Variants in SCFD2 observed in about 807,000 individuals in gnomAD.
SCFD2 encodes the protein sec1 family domain containing 2.
Under a neutral mutation model 58.9 loss-of-function variants are expected in SCFD2, and 54 were observed. The ratio of observed to expected loss-of-function variants is 0.92; its 90% CI spans 0.74 to 1.15. The LOEUF (loss-of-function observed/expected upper bound fraction) is 1.15. SCFD2 is among the 50% of genes most tolerant of loss of function. SCFD2 has a pLI of 0.00. For missense variants in SCFD2, 805 were observed against 836.6 expected, an observed-to-expected ratio of 0.96 and a Z score of 0.47; for synonymous variants, 321 against 335.9, an observed-to-expected ratio of 0.96 and a Z score of 0.49.
At chr4:52,965,247 A>C (rs1204124078) in intron 5 of SCFD2, among the ~76,000 whole-genome samples, 1 of 152,166 alleles carries the variant, frequency 6.6e-6, no homozygotes. Context: ...GCCCCCCCGC[A>C]AAAAATGATG....
At chr4:53,313,501 C>G in intron 3 of SCFD2, 135 bp downstream of exon 3, 1 of 932,632 alleles carries the variant, frequency 1.1e-6, no homozygotes, top group Non-Finnish European at 1.6e-6. Flanking sequence ...CATATTCCTT[C>G]CCTATTCTTT....
chr4:53,249,679 C>T (rs1730275813), intron 4 of SCFD2, among the ~76,000 whole-genome samples: 1 of 152,142 alleles, frequency 6.6e-6, no homozygotes, highest in African/African-American at 2.4e-5. Context: ...GAATTTTCAA[C>T]CCAGAATTTC....
At chr4:52,975,665 A>G (rs1434696901) in intron 5 of SCFD2, among the ~76,000 whole-genome samples, 2 of 152,178 alleles carry the variant, frequency 1.3e-5, no homozygotes, top group Non-Finnish European at 2.9e-5. Context: ...CAGCCATCCC[A>G]TTACTGGGTA....
At chr4:53,141,686 G>GTC (rs57515683) in intron 5 of SCFD2, among the ~76,000 whole-genome samples, 148,640 of 151,828 alleles carry the variant, frequency 0.98, 72,838 homozygotes, top group Middle Eastern at 1. Context: ...CTCTTTGAAA[G>GTC]TCTACACATT....
chr4:53,302,889 G>A (rs1481748443), intron 3 of SCFD2, among the ~76,000 whole-genome samples: 2 of 152,172 alleles, frequency 1.3e-5, no homozygotes, highest in Admixed American at 6.5e-5. Flanking sequence ...GGGAAAACTG[G>A]CTGGCCATAT....
chr4:53,078,706 A>G (rs1015980916), intron 5 of SCFD2, among the ~76,000 whole-genome samples: 1 of 152,216 alleles, frequency 6.6e-6, no homozygotes, highest in Non-Finnish European at 1.5e-5. Flanking sequence ...TTGCCCAGTC[A>G]CACAGCTAGT....
chr4:53,228,970 C>A (rs1729326476), intron 4 of SCFD2, among the ~76,000 whole-genome samples: 1 of 152,100 alleles, frequency 6.6e-6, no homozygotes, highest in African/African-American at 2.4e-5. Flanking sequence ...TTCTTATACA[C>A]CAATAACAGA....
intron 7 of SCFD2, among the ~76,000 whole-genome samples, chr4:52,899,037 G>GT (rs1239241231): frequency 6.6e-6 from 1 of 152,130 alleles, no homozygotes. Context: ...TTGAGCCTAT[G>GT]TGTGTCTCTG....
chr4:53,082,984 TCTTTCTC>T, intron 5 of SCFD2, among the ~76,000 whole-genome samples: 1 of 152,002 alleles, frequency 6.6e-6, no homozygotes, highest in East Asian at 1.9e-4. Context: ...TCTCTTTCTC[TCTTTCTC>T]TCTTTCTTAA....
chr4:53,327,339 C>T (rs1171663949), intron 2 of SCFD2, among the ~76,000 whole-genome samples: 4 of 152,022 alleles, frequency 2.6e-5, no homozygotes. Flanking sequence ...GTGGCAGAGC[C>T]AAAATGGAAT....
chr4:53,120,136 A>C (rs1577744956), intron 5 of SCFD2, among the ~76,000 whole-genome samples: 1 of 152,248 alleles, frequency 6.6e-6, no homozygotes, highest in African/African-American at 2.4e-5. Context: ...AACGCATTTG[A>C]CGAAAACTAT....
chr4:53,354,664 T>C (rs1471086700), intron 1 of SCFD2, among the ~76,000 whole-genome samples: 2 of 152,218 alleles, frequency 1.3e-5, no homozygotes, highest in African/African-American at 4.8e-5. Context: ...TAGGCATCAA[T>C]AAGCATTTGC....
chr4:53,362,199 G>T (rs796819644), intron 1 of SCFD2, among the ~76,000 whole-genome samples: 23 of 152,096 alleles, frequency 1.5e-4, no homozygotes, highest in African/African-American at 5.1e-4. Context: ...AAAGCCATAT[G>T]GATACCTCGA....
chr4:53,085,056 G>T (rs1038928408), intron 5 of SCFD2, among the ~76,000 whole-genome samples: 1 of 152,142 alleles, frequency 6.6e-6, no homozygotes, highest in Non-Finnish European at 1.5e-5. Context: ...ACTAGAGAAA[G>T]AAGTAAAGGG....
chr4:53,150,906 A>C (rs1726486620), intron 4 of SCFD2, among the ~76,000 whole-genome samples: 1 of 152,242 alleles, frequency 6.6e-6, no homozygotes, highest in Admixed American at 6.5e-5. Context: ...ATTTGGGGAA[A>C]GTACTTTACC....
At chr4:53,042,801 G>A (rs902781926) in intron 5 of SCFD2, among the ~76,000 whole-genome samples, 13 of 151,910 alleles carry the variant, frequency 8.6e-5, no homozygotes, top group Admixed American at 8.5e-4. Context: ...GAATCCCCTG[G>A]AGCTGACCAC....
At chr4:52,886,876 C>T (rs768798247) in intron 7 of SCFD2, among the ~76,000 whole-genome samples, 16 of 152,202 alleles carry the variant, frequency 1.1e-4, no homozygotes, top group Non-Finnish European at 4.4e-5. Flanking sequence ...TGAGGGACAA[C>T]TTCTTTCTTC....
intron 5 of SCFD2, among the ~76,000 whole-genome samples, chr4:52,941,220 A>G (rs750038018): frequency 3.9e-5 from 6 of 152,176 alleles, no homozygotes; most frequent in African/African-American, 7.2e-5. Flanking sequence ...TATAGTTTCT[A>G]GGGGATGTAA....
At chr4:53,316,642 C>T (rs1249792612) in intron 2 of SCFD2, among the ~76,000 whole-genome samples, 3 of 152,140 alleles carry the variant, frequency 2.0e-5, no homozygotes, top group Admixed American at 6.5e-5. Context: ...CTTAATTACA[C>T]TGAGTATGCT....
Sources: allele counts gnomAD v4.1 joint callset (sites outside exome capture counted in the v4.1 genomes callset), GRCh38; gene constraint gnomAD v4.1.1; transcripts MANE v1.5; gene names NCBI Gene and HGNC (gene_info 2026-07-23, HGNC 2026-07-21).